SYNPO2: variants seen among roughly 807,000 people sequenced by gnomAD.
SYNPO2 encodes the protein synaptopodin-2.
In SYNPO2, 56 loss-of-function variants were observed where a neutral mutation model predicts 85.0. That is an observed-to-expected ratio of 0.66 (90% CI 0.53 to 0.82). The LOEUF (loss-of-function observed/expected upper bound fraction) is 0.82, where lower values mean the gene tolerates loss of function less well. Ranked by LOEUF, SYNPO2 falls within the 40% of genes least tolerant of loss-of-function variation. SYNPO2 has a pLI of 0.00. For synonymous variants in SYNPO2, 602 were observed against 591.1 expected, an observed-to-expected ratio of 1.02 and a Z score of -0.27; for missense variants, 1,575 against 1,534.2, an observed-to-expected ratio of 1.03 and a Z score of -0.44.
intron 1 of SYNPO2, among the ~76,000 whole-genome samples, chr4:118,962,074 C>G (rs1269802184): frequency 2.0e-5 from 3 of 152,174 alleles, no homozygotes; most frequent in Non-Finnish European, 2.9e-5. Flanking sequence ...TCCCTTTCAT[C>G]AGGTAGTAGA....
At chr4:119,023,014 G>C (rs760653441) in intron 1 of SYNPO2, among the ~76,000 whole-genome samples, 79 of 151,980 alleles carry the variant, frequency 5.2e-4, no homozygotes, top group Non-Finnish European at 9.0e-4. Flanking sequence ...CTGACCTCGT[G>C]ATCCACCCGC....
At chr4:118,881,250 C>A (rs1190441229) in intron 1 of SYNPO2, among the ~76,000 whole-genome samples, 1 of 148,876 alleles carries the variant, frequency 6.7e-6, no homozygotes, top group Non-Finnish European at 1.5e-5. Flanking sequence ...TGCAGGGAGC[C>A]GAGATCGCAC....
intron 4 of SYNPO2, among the ~76,000 whole-genome samples, chr4:119,048,499 G>A (rs1738938947): frequency 6.6e-6 from 1 of 152,184 alleles, no homozygotes; most frequent in Admixed American, 6.5e-5. Context: ...AAATGATTAA[G>A]TAGAATATTT....
Position 119,000,874 on chromosome 4 carries a change from C to T in SYNPO2, c.106-22556C>T, listed in dbSNP as rs146195639. 8.7e-3 allele frequency among the ~76,000 whole-genome samples: 1,323 copies of T among 152,152 alleles called. 28 individuals are homozygous for T. The highest frequency in any genetic ancestry group is 0.029 in the African/African-American group (1,202 of 41,512). On this transcript the variant is annotated intron_variant, in intron 1 of 4. Transcript: ENST00000307142. ...TTCTTTCTTTTCTTTTTTTCTCTCT[C>T]GCAACATCTGCTGAGACATAAGTCT...
chr4:118,878,804 T>C (rs1360910214), intron 1 of SYNPO2, among the ~76,000 whole-genome samples: 1 of 152,188 alleles, frequency 6.6e-6, no homozygotes, highest in African/African-American at 2.4e-5. Context: ...CAGCAGGACA[T>C]GGGTGGGGCC....
chr4:118,886,055 G>C (rs933728076), upstream of SYNPO2, among the ~76,000 whole-genome samples: 3 of 152,176 alleles, frequency 2.0e-5, no homozygotes, highest in Non-Finnish European at 2.9e-5. Context: ...TTTGATAAGA[G>C]TGGCTACAGA....
intron 1 of SYNPO2, among the ~76,000 whole-genome samples, chr4:118,952,342 AT>A (rs1211002159): frequency 2.0e-5 from 3 of 151,960 alleles, no homozygotes; most frequent in East Asian, 1.9e-4. Context: ...CTTCTTTTTT[AT>A]TTTTTTCCAT....
intron 1 of SYNPO2, among the ~76,000 whole-genome samples, chr4:118,932,565 A>AT (rs375614663): frequency 2.0e-5 from 3 of 152,136 alleles, no homozygotes; most frequent in African/African-American, 7.2e-5. Flanking sequence ...TAGATAATCG[A>AT]TTTTTTTATC....
intron 1 of SYNPO2, among the ~76,000 whole-genome samples, chr4:118,964,323 C>G (rs1735222941): frequency 6.6e-6 from 1 of 151,014 alleles, no homozygotes; most frequent in East Asian, 2.0e-4. Flanking sequence ...CACACACACA[C>G]ACACACACAC....
intron 1 of SYNPO2, among the ~76,000 whole-genome samples, chr4:118,926,792 A>G (rs1733725609): frequency 6.6e-6 from 1 of 152,170 alleles, no homozygotes; most frequent in Non-Finnish European, 1.5e-5. Context: ...TTATAGTCAA[A>G]TAGGCTTTTC....
At chr4:119,040,496 A>G (rs1561021512) in intron 4 of SYNPO2, among the ~76,000 whole-genome samples, 1 of 152,116 alleles carries the variant, frequency 6.6e-6, no homozygotes, top group Non-Finnish European at 1.5e-5. Context: ...TTTTCGTGGT[A>G]TACAAAGATG....
rs70944828 is a variant in SYNPO2 at position 119,058,464 on chromosome 4, CTTTTT to C, written c.*552_*556del. Reference sequence around the variant, plus strand: ...CTTGGTGTTAAGTATTTCTCTGCAACTTTTTTTTTTTTTTTTTTTTTTTTTTGAGA... The same window carrying C: ...CTTGGTGTTAAGTATTTCTCTGCAACTTTTTTTTTTTTTTTTTTTTTGAGA... On this transcript the variant is annotated 3_prime_UTR_variant, in exon 5 of 5. Coordinates refer to ENST00000307142, the MANE Select transcript of SYNPO2 (RefSeq NM_133477.3). 2 of 109,314 alleles carry C rather than the reference CTTTTT, an allele frequency of 1.8e-5. No homozygotes were observed. The highest frequency in any genetic ancestry group is 3.3e-4 in the East Asian group (1 of 3,068). 6.8% of individuals were successfully genotyped at this position (109,314 alleles called of 1,614,324 possible).
At chr4:118,967,693 C>T (rs900331302) in intron 1 of SYNPO2, among the ~76,000 whole-genome samples, 1 of 152,164 alleles carries the variant, frequency 6.6e-6, no homozygotes, top group Non-Finnish European at 1.5e-5. Context: ...ATGTTTTCCC[C>T]TATGCTTTTG....
At chr4:118,921,211 C>T (rs1009786833) in intron 1 of SYNPO2, among the ~76,000 whole-genome samples, 1 of 152,088 alleles carries the variant, frequency 6.6e-6, no homozygotes, top group Non-Finnish European at 1.5e-5. Flanking sequence ...CTGGCCCAAC[C>T]TGAGTTCTTT....
chr4:118,875,757 A>G (rs917242291), intron 1 of SYNPO2, among the ~76,000 whole-genome samples: 1 of 152,162 alleles, frequency 6.6e-6, no homozygotes, highest in African/African-American at 2.4e-5. Context: ...AAATACTTAC[A>G]GTGTCTGCAT....
chr4:118,863,310 T>C (rs1443144533), intron 1 of SYNPO2, among the ~76,000 whole-genome samples: 1 of 151,000 alleles, frequency 6.6e-6, no homozygotes, highest in Admixed American at 6.6e-5. Context: ...CTGGAGGACT[T>C]TTTATTATGG....
chr4:118,995,213 A>G (rs1026282842), intron 1 of SYNPO2, among the ~76,000 whole-genome samples: 7 of 152,160 alleles, frequency 4.6e-5, no homozygotes, highest in African/African-American at 1.7e-4. Context: ...TCTCATTTGC[A>G]AAGTTCTTTA....
intron 1 of SYNPO2, among the ~76,000 whole-genome samples, chr4:118,902,248 C>T (rs1483302455): frequency 6.6e-6 from 1 of 152,176 alleles, no homozygotes; most frequent in Non-Finnish European, 1.5e-5. Flanking sequence ...TTCGGCTTCT[C>T]ATGATGTAGC....
chr4:118,956,998 T>A (rs979340314), intron 1 of SYNPO2, among the ~76,000 whole-genome samples: 2 of 151,524 alleles, frequency 1.3e-5, no homozygotes, highest in South Asian at 4.2e-4. Flanking sequence ...TGAGCTGAGA[T>A]TGCACCAGTA....
Sources: allele counts gnomAD v4.1 joint callset (sites outside exome capture counted in the v4.1 genomes callset), GRCh38; gene constraint gnomAD v4.1.1; transcripts MANE v1.5; gene names NCBI Gene and HGNC (gene_info 2026-07-23, HGNC 2026-07-21).